Variants in NHSL3 observed in about 807,000 individuals in gnomAD.
NHSL3 encodes the protein NHS like 3, also known as NHS-like protein 3.
At chr1:32,755,946 G>C in the NHSL3 span, among the ~76,000 whole-genome samples, 5 of 152,164 alleles carry the variant, frequency 3.3e-5, no homozygotes, top group Non-Finnish European at 2.9e-5. Context: ...GGAACTAACT[G>C]TGGGCCCAGA....
chr1:32,756,630 C>T, the NHSL3 span, among the ~76,000 whole-genome samples: 1 of 124,222 alleles, frequency 8.1e-6, no homozygotes, highest in Middle Eastern at 6.4e-3. Flanking sequence ...GCACTCCAGT[C>T]TGGGTGACAG....
chr1:32,749,766 C>T, the NHSL3 span, among the ~76,000 whole-genome samples: 1 of 152,098 alleles, frequency 6.6e-6, no homozygotes, highest in South Asian at 2.1e-4. Flanking sequence ...CTCCCTCACC[C>T]TTCTCTTGGA....
chr1:32,762,816 C>T, the NHSL3 span, among the ~76,000 whole-genome samples: 2 of 152,234 alleles, frequency 1.3e-5, no homozygotes, highest in South Asian at 4.2e-4. Context: ...TCTCAAACTC[C>T]TGACCTCGTG....
chr1:32,752,823 C>T, the NHSL3 span, among the ~76,000 whole-genome samples: 5 of 150,436 alleles, frequency 3.3e-5, no homozygotes, highest in East Asian at 7.9e-4. Context: ...AAGTGATCTG[C>T]CCGCCTTGGC....
At chr1:32,752,078 C>T in the NHSL3 span, among the ~76,000 whole-genome samples, 1 of 152,172 alleles carries the variant, frequency 6.6e-6, no homozygotes, top group African/African-American at 2.4e-5. Context: ...GCTAGCTGAT[C>T]TCCGAGGTCT....
the NHSL3 span, chr1:32,754,187 G>A: frequency 2.8e-6 from 2 of 710,394 alleles, no homozygotes; most frequent in African/African-American, 1.8e-5. Context: ...GCAGGTAGGG[G>A]CCGGGGTGGG....
chr1:32,752,886 AG>A, the NHSL3 span, among the ~76,000 whole-genome samples: 2 of 143,094 alleles, frequency 1.4e-5, no homozygotes, highest in Non-Finnish European at 3.0e-5. Context: ...GCGTTTTTAA[AG>A]AAAAAAAAAA....
chr1:32,756,969 C>T, the NHSL3 span, among the ~76,000 whole-genome samples: 1 of 152,080 alleles, frequency 6.6e-6, no homozygotes, highest in African/African-American at 2.4e-5. Flanking sequence ...GACTCCATTT[C>T]AAAAACAAAA....
chr1:32,774,906 CTGAG>C, the NHSL3 span: 5 of 152,548 alleles, frequency 3.3e-5, no homozygotes, highest in African/African-American at 1.2e-4. Flanking sequence ...GCCCTGAAGC[CTGAG>C]TGAGACACAT....
At chr1:32,771,138 C>G in the NHSL3 span, 2 of 1,613,048 alleles carry the variant, frequency 1.2e-6, no homozygotes, top group South Asian at 1.1e-5. Context: ...TATTGACCCC[C>G]CTGGGTGACA....
the NHSL3 span, chr1:32,771,334 G>A: frequency 2.5e-6 from 4 of 1,593,910 alleles, no homozygotes; most frequent in Non-Finnish European, 3.4e-6. Flanking sequence ...TCCACTGCAG[G>A]AGTCTCCTGT....
the NHSL3 span, among the ~76,000 whole-genome samples, chr1:32,756,246 A>C: frequency 6.6e-6 from 1 of 152,180 alleles, no homozygotes; most frequent in Non-Finnish European, 1.5e-5. Context: ...AGATGGTCCT[A>C]ATTTGTCTTT....
chr1:32,745,121 GAAA>G, the NHSL3 span, among the ~76,000 whole-genome samples: 1 of 106,270 alleles, frequency 9.4e-6, no homozygotes, highest in Admixed American at 1.0e-4. Flanking sequence ...GCGAGACTCA[GAAA>G]AAAAAAAAAG....
chr1:32,768,139 G>A, the NHSL3 span: 1 of 1,492,658 alleles, frequency 6.7e-7, no homozygotes, highest in South Asian at 1.1e-5. Flanking sequence ...CTCCAGCTCA[G>A]TCCTGACTCT....
chr1:32,761,565 G>A, the NHSL3 span, among the ~76,000 whole-genome samples: 2 of 152,238 alleles, frequency 1.3e-5, no homozygotes, highest in Non-Finnish European at 2.9e-5. Flanking sequence ...TGTGGTGAAA[G>A]GCTCCAGTTT....
the NHSL3 span, chr1:32,771,633 G>T: frequency 1.2e-6 from 2 of 1,612,802 alleles, no homozygotes; most frequent in Non-Finnish European, 1.7e-6. Context: ...CGGCTGCTTC[G>T]TCCTCCTCAG....
chr1:32,762,565 C>T, the NHSL3 span, among the ~76,000 whole-genome samples: 6 of 151,638 alleles, frequency 4.0e-5, no homozygotes, highest in Non-Finnish European at 1.5e-5. Flanking sequence ...TGGGCTCAAG[C>T]CCAGCCTCCC....
At chr1:32,759,920 C>T in the NHSL3 span, among the ~76,000 whole-genome samples, 1 of 152,166 alleles carries the variant, frequency 6.6e-6, no homozygotes, top group Non-Finnish European at 1.5e-5. Flanking sequence ...AGGTGTTCTG[C>T]GAGACAGTAG....
chr1:32,742,056 C>T, the NHSL3 span: 5 of 1,262,724 alleles, frequency 4.0e-6, no homozygotes, highest in Non-Finnish European at 5.0e-6. Context: ...CGTCCGGCCT[C>T]CGCCGCGCCT....
Sources: gnomAD v4.1 joint callset for allele counts (sites outside exome capture counted in the v4.1 genomes callset) on GRCh38, gnomAD v4.1.1 for gene constraint, MANE v1.5 for transcripts, NCBI Gene and HGNC (gene_info 2026-07-23, HGNC 2026-07-21) for gene names.